Variants in KIAA1958 observed in about 807,000 individuals in gnomAD.
The protein encoded by KIAA1958 is KIAA1958, also known as uncharacterized protein KIAA1958.
KIAA1958 carries 14 observed loss-of-function variants against 47.2 expected under a neutral mutation model. The observed-to-expected ratio is 0.30, with a 90% CI of 0.20 to 0.46. KIAA1958 has a LOEUF of 0.46. Ranked by LOEUF, KIAA1958 falls within the 20% of genes least tolerant of loss-of-function variation. KIAA1958 has a pLI of 1.00. For synonymous variants in KIAA1958, 354 were observed against 353.3 expected, an observed-to-expected ratio of 1.00 and a Z score of -0.02; for missense variants, 803 against 909.2, an observed-to-expected ratio of 0.88 and a Z score of 1.50.
At chr9:112,565,934 C>T (rs555029861) in intron 1 of KIAA1958, among the ~76,000 whole-genome samples, 13 of 152,324 alleles carry the variant, frequency 8.5e-5, no homozygotes, top group South Asian at 6.2e-4. Flanking sequence ...GACGGAGTCT[C>T]GCTCTGTCGC....
intron 2 of KIAA1958, among the ~76,000 whole-genome samples, chr9:112,612,717 C>CA (rs1473236106): frequency 6.6e-6 from 1 of 152,172 alleles, no homozygotes; most frequent in Non-Finnish European, 1.5e-5. Context: ...GTTAGTTCAA[C>CA]ATATGTGCAG....
intron 2 of KIAA1958, among the ~76,000 whole-genome samples, chr9:112,622,817 A>G (rs1836533157): frequency 6.6e-6 from 1 of 152,132 alleles, no homozygotes; most frequent in African/African-American, 2.4e-5. Flanking sequence ...GAAATCAATG[A>G]CTTTATTGAG....
chr9:112,532,579 G>A (rs771688764), intron 1 of KIAA1958, among the ~76,000 whole-genome samples: 2 of 152,180 alleles, frequency 1.3e-5, no homozygotes, highest in Admixed American at 6.5e-5. Flanking sequence ...AGGTTCTGAT[G>A]TGTGTATAAA....
intron 1 of KIAA1958, among the ~76,000 whole-genome samples, chr9:112,529,488 T>TG (rs1834716277): frequency 6.6e-6 from 1 of 152,226 alleles, no homozygotes. Flanking sequence ...TGTGGCAGTT[T>TG]TTCAGACTTT....
rs186645417 is a variant in KIAA1958, at chr9:112,664,424, A to G, written c.*4355A>G. The G allele has an allele frequency of 1.3e-5, 2 of 152,336 alleles. No homozygotes were observed. The highest frequency in any genetic ancestry group is 2.4e-5 in the African/African-American group (1 of 41,568). 9.4% of individuals were successfully genotyped at this position (152,336 alleles called of 1,614,324 possible). A position where few individuals can be genotyped will look rare whatever the true frequency, so the allele number is the denominator to read the frequency against. On this transcript the variant is annotated 3_prime_UTR_variant, in exon 4 of 4. Coordinates refer to ENST00000337530, the MANE Select transcript of KIAA1958 (RefSeq NM_133465.4). ...GTAGATTGCTAAAAACTTTTGAGCT[A>G]GTAGACGTTACCTTTAAGCATCAAT...
Position 112,659,944 on chromosome 9 carries a change from C to T in KIAA1958, c.2026C>T (p.Arg676Cys), listed in dbSNP as rs753677165. The stretch of plus-strand genomic sequence containing the variant: ...GTATGAGGAGCAGAGGATGGGGCTG[C>T]GCTCTCTTCGGGGAATTGTCCCAAA... ...VWYEEQRMGL[R>C]SLRGIVPNLA... The change falls in exon 4 of 4, where the codon CGC becomes TGC. Residue 676 changes from arginine to cysteine, a missense_variant. Arg to Cys is a radical substitution (Grantham distance 180). Transcript: ENST00000337530. 11 of 1,614,214 alleles carry T rather than the reference C, an allele frequency of 6.8e-6. No individual in the cohort carries two copies. Among genetic ancestry groups the T allele is most frequent in the East Asian group, 2.2e-5 (1 of 44,890 alleles).
chr9:112,654,232 A>G (rs911437012), intron 3 of KIAA1958, among the ~76,000 whole-genome samples: 1 of 152,216 alleles, frequency 6.6e-6, no homozygotes, highest in Non-Finnish European at 1.5e-5. Flanking sequence ...TGTTGAAAGC[A>G]CTAACATAAA....
intron 2 of KIAA1958, among the ~76,000 whole-genome samples, chr9:112,625,447 C>G (rs1000332768): frequency 3.9e-5 from 6 of 152,180 alleles, no homozygotes; most frequent in Non-Finnish European, 8.8e-5. Context: ...AGCCACTGCT[C>G]TGTCCTCATC....
chr9:112,548,662 C>T (rs1204249346), intron 1 of KIAA1958, among the ~76,000 whole-genome samples: 1 of 152,132 alleles, frequency 6.6e-6, no homozygotes, highest in Non-Finnish European at 1.5e-5. Context: ...AACATTGACT[C>T]TTTGGTGCCT....
At chr9:112,649,659 CA>C (rs1351867096) in intron 3 of KIAA1958, among the ~76,000 whole-genome samples, 1 of 152,076 alleles carries the variant, frequency 6.6e-6, no homozygotes, top group Non-Finnish European at 1.5e-5. Context: ...ATAGGGTTGA[CA>C]ACAGATTTCT....
At chr9:112,584,859 C>T (rs1588028646) in intron 2 of KIAA1958, among the ~76,000 whole-genome samples, 1 of 152,152 alleles carries the variant, frequency 6.6e-6, no homozygotes, top group Admixed American at 6.5e-5. Context: ...ACAGGGTTGG[C>T]GACCAGCATG....
At chr9:112,571,262 C>T (rs142721701) in intron 1 of KIAA1958, among the ~76,000 whole-genome samples, 3 of 152,318 alleles carry the variant, frequency 2.0e-5, no homozygotes, top group African/African-American at 7.2e-5. Flanking sequence ...CAGTTTATCA[C>T]TCATATGCAT....
chr9:112,602,356 TC>T (rs1435103159), intron 2 of KIAA1958, among the ~76,000 whole-genome samples: 1 of 152,192 alleles, frequency 6.6e-6, no homozygotes, highest in African/African-American at 2.4e-5. Flanking sequence ...TTTCGTACGA[TC>T]ACTAACCAGG....
chr9:112,656,144 G>A (rs1190474725), intron 3 of KIAA1958, among the ~76,000 whole-genome samples: 2 of 152,018 alleles, frequency 1.3e-5, no homozygotes, highest in African/African-American at 4.8e-5. Context: ...AGGCCTAGGC[G>A]GGCGGATCGC....
At chr9:112,615,288 C>T (rs904573401) in intron 2 of KIAA1958, among the ~76,000 whole-genome samples, 3 of 151,790 alleles carry the variant, frequency 2.0e-5, no homozygotes, top group Admixed American at 6.6e-5. Context: ...GGCATGATGG[C>T]GGGTGCCTGT....
At chr9:112,580,207 G>T (rs575207443) in intron 2 of KIAA1958, among the ~76,000 whole-genome samples, 2 of 152,126 alleles carry the variant, frequency 1.3e-5, no homozygotes, top group Non-Finnish European at 2.9e-5. Flanking sequence ...AACATTCTAG[G>T]TATGATTCTT....
At chr9:112,521,892 G>A (rs1655857709) in intron 1 of KIAA1958, among the ~76,000 whole-genome samples, 1 of 152,120 alleles carries the variant, frequency 6.6e-6, no homozygotes, top group East Asian at 1.9e-4. Context: ...GCCCTTAAAT[G>A]AAATGTCTTT....
At chr9:112,658,286 C>T (rs1396106128) in intron 3 of KIAA1958, among the ~76,000 whole-genome samples, 1 of 151,826 alleles carries the variant, frequency 6.6e-6, no homozygotes, top group African/African-American at 2.4e-5. Context: ...GCAAAATGGA[C>T]ATATCAGATG....
intron 1 of KIAA1958, among the ~76,000 whole-genome samples, chr9:112,557,852 T>G (rs1835268601): frequency 6.6e-6 from 1 of 152,156 alleles, no homozygotes; most frequent in Non-Finnish European, 1.5e-5. Flanking sequence ...ATTTTTAACA[T>G]AGTATAAGAA....
Sources: allele counts gnomAD v4.1 joint callset (sites outside exome capture counted in the v4.1 genomes callset), GRCh38; gene constraint gnomAD v4.1.1; transcripts MANE v1.5; gene names NCBI Gene and HGNC (gene_info 2026-07-23, HGNC 2026-07-21).